The following USP44 variants were observed in gnomAD, a reference collection of about 807,000 sequenced individuals.
USP44 encodes ubiquitin carboxyl-terminal hydrolase 44.
A neutral mutation model predicts 69.0 loss-of-function variants in USP44; 61 were observed. That is an observed-to-expected ratio of 0.88 (90% confidence interval 0.72 to 1.09). USP44 has a LOEUF of 1.09. Among genes scored for constraint, USP44 ranks in the 50% least tolerant of loss-of-function variants. USP44 has a pLI of 0.00. For synonymous variants in USP44, 297 were observed against 295.4 expected, an observed-to-expected ratio of 1.01 and a Z score of -0.06; for missense variants, 753 against 849.9, an observed-to-expected ratio of 0.89 and a Z score of 1.42.
intron 1 of USP44, among the ~76,000 whole-genome samples, chr12:95,550,508 T>G (rs2077706392): frequency 6.6e-6 from 1 of 152,214 alleles, no homozygotes; most frequent in African/African-American, 2.4e-5. Context: ...ATTTCTCAAA[T>G]GCATTAAAAG....
chr12:95,534,295 T>C lies in USP44; in HGVS notation c.-39A>G, dbSNP rs187283171. 86 of 1,558,344 alleles carry C rather than the reference T, an allele frequency of 5.5e-5. No homozygotes were observed. In the African/African-American group the frequency reaches 9.6e-4, roughly 17 times the overall value. On this transcript the variant is annotated 5_prime_UTR_variant, in exon 2 of 6. Transcript: ENST00000258499. ...CTGAGAAATGCATAATCCAAACAAG[T>C]CTCTGTTCACAACACTTGAAGCATC...
In USP44 at chr12:95,521,053, T is replaced by C. The variant is rs199814884; in HGVS notation, c.1883A>G (p.His628Arg). The C allele has an allele frequency of 1.9e-6, 3 of 1,614,192 alleles. No individual in the cohort carries two copies. The highest frequency in any genetic ancestry group is 2.2e-5 in the East Asian group (1 of 44,882). Reference sequence around the variant, plus strand: ...GTGCCCTGAGCCAAATCCTTTCCCATGGTGCATCACCACCGCGGACAAGTC... The same window carrying C: ...GTGCCCTGAGCCAAATCCTTTCCCACGGTGCATCACCACCGCGGACAAGTC... ...IYDLSAVVMH[H>R]GKGFGSGHYT... Residue 628 changes from histidine (H) to arginine (R), a missense_variant, in exon 5 of 6, where the codon CAT becomes CGT. Transcript: ENST00000258499.
chr12:95,537,518 C>G (rs1399583568), intron 1 of USP44, among the ~76,000 whole-genome samples: 3 of 152,016 alleles, frequency 2.0e-5, no homozygotes, highest in Non-Finnish European at 4.4e-5. Flanking sequence ...GGGGTTTCAC[C>G]ATGTTGGCCA....
At chr12:95,522,104 A>C in intron 4 of USP44, 1 of 985,412 alleles carries the variant, frequency 1.0e-6, no homozygotes, top group Non-Finnish European at 1.2e-6. Flanking sequence ...ATCAATATGC[A>C]TAATGAGTTG....
chr12:95,526,100 C>T (rs534196731), intron 3 of USP44, among the ~76,000 whole-genome samples: 2 of 152,280 alleles, frequency 1.3e-5, no homozygotes, highest in South Asian at 4.1e-4. Flanking sequence ...TAAAGCAGCT[C>T]TTTTAGGCCT....
At chr12:95,526,776 T>C (rs925909162) in intron 3 of USP44, among the ~76,000 whole-genome samples, 1 of 152,140 alleles carries the variant, frequency 6.6e-6, no homozygotes, top group African/African-American at 2.4e-5. Context: ...ATAGGGAAAT[T>C]AGGGAGAATA....
intron 2 of USP44, among the ~76,000 whole-genome samples, chr12:95,530,646 T>TACAGATAG: frequency 6.8e-6 from 1 of 147,336 alleles, no homozygotes; most frequent in East Asian, 2.0e-4. Context: ...CTACTGGAAA[T>TACAGATAG]ATAGATAGAT....
intron 4 of USP44, among the ~76,000 whole-genome samples, chr12:95,523,560 A>G (rs538944415): frequency 3.3e-5 from 5 of 152,040 alleles, no homozygotes; most frequent in African/African-American, 7.2e-5. Flanking sequence ...GGTTTTTCCA[A>G]TATCTCTCAG....
chr12:95,543,406 C>CA (rs60127958), intron 1 of USP44, among the ~76,000 whole-genome samples: 2,089 of 42,748 alleles, frequency 0.049, 72 homozygotes, highest in East Asian at 0.098. Flanking sequence ...GACTCTTTCT[C>CA]AAAAAAAAAA....
At chr12:95,529,558 G>A (rs1034425784) in intron 2 of USP44, among the ~76,000 whole-genome samples, 1 of 151,988 alleles carries the variant, frequency 6.6e-6, no homozygotes, top group Admixed American at 6.6e-5. Context: ...TGAGTAGCTG[G>A]ACTACAGGTG....
Position 95,516,717 on chromosome 12 carries a change from T to C in USP44, c.*1437A>G, listed in dbSNP as rs374706507. ...ATTTGTCTATTCAGTGATAAAAGTC[T>C]CACTGCACCTCACTATCAGCTAACC... On this transcript the variant is annotated 3_prime_UTR_variant, in exon 6 of 6. Transcript: ENST00000258499. The C allele has an allele frequency of 2.6e-5, 4 of 152,316 alleles. No individual in the cohort carries two copies. In the East Asian group the frequency reaches 5.8e-4, roughly 22 times the overall value. The allele number at this position is 152,316 out of a possible 1,614,324, so 9.4% of individuals were successfully genotyped here.
At chr12:95,524,957 C>T (rs946057237) in intron 3 of USP44, among the ~76,000 whole-genome samples, 169 bp from the exon 4 acceptor site, 1 of 152,216 alleles carries the variant, frequency 6.6e-6, no homozygotes, top group East Asian at 1.9e-4. Flanking sequence ...ACTCATGATC[C>T]ACAATTAACC....
chr12:95,526,490 T>C (rs2076839194), intron 3 of USP44, among the ~76,000 whole-genome samples: 2 of 152,102 alleles, frequency 1.3e-5, no homozygotes, highest in African/African-American at 4.8e-5. Flanking sequence ...GAGAATGGCC[T>C]GAACCCAGGA....
At chr12:95,536,359 T>A (rs2077205249) in intron 1 of USP44, among the ~76,000 whole-genome samples, 1 of 152,060 alleles carries the variant, frequency 6.6e-6, no homozygotes, top group South Asian at 2.1e-4. Context: ...TCACACGTTT[T>A]AAGTGCACAT....
At chr12:95,542,539 G>T (rs559899772) in intron 1 of USP44, among the ~76,000 whole-genome samples, 1 of 152,214 alleles carries the variant, frequency 6.6e-6, no homozygotes, top group South Asian at 2.1e-4. Context: ...GCCAAGGTGG[G>T]CAGATCACCT....
chr12:95,524,596 A>G (rs2140236666), intron 4 of USP44, 84 bp downstream of exon 4: 1 of 1,050,634 alleles, frequency 9.5e-7, no homozygotes, highest in Non-Finnish European at 1.4e-6. Flanking sequence ...AAGTAAGGGG[A>G]AAAAATTATA....
rs2076645674 is a variant in USP44, at chr12:95,521,080, T to C, written c.1856A>G (p.Tyr619Cys). The C allele has an allele frequency of 1.2e-6, 2 of 1,614,198 alleles. No individual in the cohort carries two copies. ...LKSLRPECFI[Y>C]DLSAVVMHHG... ...GTGCATCACCACCGCGGACAAGTCA[T>C]AGATAAAGCATTCTGGTCTGAGGGA... is the stretch of plus-strand genomic sequence containing the variant. Residue 619 changes from tyrosine to cysteine, a missense_variant, in exon 5 of 6, where the codon TAT becomes TGT. Transcript: ENST00000258499.
At position 95,532,828 on chromosome 12, in the gene USP44, C is replaced by T. The variant is rs373244929; in HGVS notation, c.1428+1G>A. ...AAAATAAGATTCTTAAAAATCCATACCTGACTAAGAAGTTGTCCATGAAAA... is the reference window on the plus strand; with the variant it reads ...AAAATAAGATTCTTAAAAATCCATATCTGACTAAGAAGTTGTCCATGAAAA... On this transcript the variant is annotated splice_donor_variant, in intron 2 of 5. Coordinates refer to ENST00000258499, the MANE Select transcript of USP44 (RefSeq NM_032147.5). LOFTEE classifies it high-confidence loss of function. 1.9e-6 allele frequency: 3 copies of T among 1,571,028 alleles called. 1 individual carries two copies. In the South Asian group the frequency reaches 3.6e-5, roughly 19 times the overall value.
intron 1 of USP44, among the ~76,000 whole-genome samples, chr12:95,545,928 C>T (rs1380797036): frequency 6.6e-6 from 1 of 151,912 alleles, no homozygotes; most frequent in East Asian, 1.9e-4. Flanking sequence ...TTGCTTGGAA[C>T]TCCTCATTAA....
Sources: gnomAD v4.1 joint callset for allele counts (sites outside exome capture counted in the v4.1 genomes callset) on GRCh38, gnomAD v4.1.1 for gene constraint, MANE v1.5 for transcripts, NCBI Gene and HGNC (gene_info 2026-07-23, HGNC 2026-07-21) for gene names.